Variants in SYT16 observed in about 807,000 individuals in gnomAD.
The protein encoded by SYT16 is synaptotagmin 16, also known as synaptotagmin-16.
Under a neutral mutation model 61.4 loss-of-function variants are expected in SYT16, and 42 were observed. That is an observed-to-expected ratio of 0.68 (90% CI 0.53 to 0.89). The LOEUF is 0.89. SYT16 is among the 40% of genes least tolerant of loss of function. The pLI is 0.00. For synonymous variants in SYT16, 314 were observed against 302.3 expected (o/e 1.04, Z -0.40); for missense variants, 804 against 807.3 (o/e 1.00, Z 0.05).
chr14:61,909,503 A>C (rs528288279), intron 1 of SYT16, among the ~76,000 whole-genome samples: 14 of 152,182 alleles, frequency 9.2e-5, no homozygotes, highest in African/African-American at 3.1e-4. Context: ...CCATCTTCAC[A>C]TGGTGTTCCT....
chr14:61,987,062 G>C (rs919714493), intron 2 of SYT16, among the ~76,000 whole-genome samples: 1 of 152,136 alleles, frequency 6.6e-6, no homozygotes, highest in Non-Finnish European at 1.5e-5. Context: ...TAAGAAATAA[G>C]GGGTGTTATG....
rs921388990 is a variant in SYT16, at chr14:62,107,705, G to A, written c.*6998G>A. The A allele has an allele frequency of 1.3e-5, 2 of 152,070 alleles. No individual in the cohort carries two copies. Among genetic ancestry groups the A allele is most frequent in the Non-Finnish European group, 2.9e-5 (2 of 68,016 alleles). 9.4% of individuals were successfully genotyped at this position (152,070 alleles called of 1,614,324 possible). A position where few individuals can be genotyped will look rare whatever the true frequency, so the allele number is the denominator to read the frequency against. Reference sequence around the variant, plus strand: ...TAGGGAAGGTGAAAGTTATTACCCTGTATCTAATTAAGAAATAGGTACACT... The same window carrying A: ...TAGGGAAGGTGAAAGTTATTACCCTATATCTAATTAAGAAATAGGTACACT... On this transcript the variant is annotated 3_prime_UTR_variant, in exon 8 of 8. Coordinates refer to ENST00000683842, the MANE Select transcript of SYT16 (RefSeq NM_001367656.1).
At position 62,069,778 on chromosome 14, in the gene SYT16, A is replaced by G. The variant is rs2140941885; in HGVS notation, c.699A>G (p.Thr233=). 6.2e-7 allele frequency: 1 copy of G among 1,614,044 alleles called. No homozygotes were observed. Among genetic ancestry groups the G allele is most frequent in the African/African-American group, 1.3e-5 (1 of 75,060 alleles). ...QKPKFSRSLL[T]HGEDGTEVSA... is the part of the protein sequence containing the mutation. ...CAAAATTCAGCCGTTCGTTGTTGACACACGGAGAAGATGGCACAGAAGTAT... is the reference window on the plus strand; with the variant it reads ...CAAAATTCAGCCGTTCGTTGTTGACGCACGGAGAAGATGGCACAGAAGTAT... Residue 233 remains threonine (T), a synonymous_variant, in exon 4 of 8, where the codon ACA becomes ACG. Coordinates refer to ENST00000683842, the MANE Select transcript of SYT16 (RefSeq NM_001367656.1).
At chr14:61,999,884 C>A (rs1454027442) in intron 3 of SYT16, among the ~76,000 whole-genome samples, 1 of 151,546 alleles carries the variant, frequency 6.6e-6, no homozygotes, top group Non-Finnish European at 1.5e-5. Context: ...TTGTTGATTT[C>A]TAGTTTTATT....
intron 3 of SYT16, among the ~76,000 whole-genome samples, chr14:62,050,159 C>G (rs561654852): frequency 6.6e-6 from 1 of 152,158 alleles, no homozygotes; most frequent in Non-Finnish European, 1.5e-5. Flanking sequence ...TTCTTGGAGG[C>G]TTTGTTCGTT....
chr14:61,891,056 C>T (rs1028543212), intron 1 of SYT16, among the ~76,000 whole-genome samples: 1 of 152,174 alleles, frequency 6.6e-6, no homozygotes, highest in Non-Finnish European at 1.5e-5. Context: ...TGAGTGCTCC[C>T]TTGGCTTTTG....
At chr14:61,950,063 G>C (rs2050609100) in intron 1 of SYT16, among the ~76,000 whole-genome samples, 1 of 152,012 alleles carries the variant, frequency 6.6e-6, no homozygotes, top group Non-Finnish European at 1.5e-5. Flanking sequence ...ATGTTGTTTG[G>C]GCTGTTCTAA....
In SYT16 at chr14:62,100,233, C is replaced by A. The variant is rs185157928; in HGVS notation, c.1625-161C>A. Among the ~76,000 whole-genome samples, 184 of 152,238 alleles carry A rather than the reference C, an allele frequency of 1.2e-3. 1 individual carries two copies. Among genetic ancestry groups the A allele is most frequent in the African/African-American group, 4.1e-3 (169 of 41,522 alleles). On this transcript the variant is annotated intron_variant, in intron 7 of 7. Transcript: ENST00000683842. ...TAATTCCCTTCCTTAATAATTCATGCAAGATGTGTTGCCCAACAGCAAGAA... is the reference window on the plus strand; with the variant it reads ...TAATTCCCTTCCTTAATAATTCATGAAAGATGTGTTGCCCAACAGCAAGAA...
At chr14:62,004,256 G>A (rs765422173) in intron 3 of SYT16, among the ~76,000 whole-genome samples, 1 of 152,148 alleles carries the variant, frequency 6.6e-6, no homozygotes, top group Non-Finnish European at 1.5e-5. Context: ...GAGACAGAGA[G>A]AGAGAGCGCA....
chr14:61,855,992 A>G (rs1388781571), intron 1 of SYT16, among the ~76,000 whole-genome samples: 1 of 152,228 alleles, frequency 6.6e-6, no homozygotes, highest in African/African-American at 2.4e-5. Context: ...AATGTCTGCA[A>G]AGGGATATAA....
rs561515648 is a variant in SYT16 at position 61,872,621 on chromosome 14, A to C, written c.-325+59811A>C. Among the ~76,000 whole-genome samples, 7 of 152,306 alleles carry C rather than the reference A, an allele frequency of 4.6e-5. No individual in the cohort carries two copies. In the South Asian group the frequency reaches 1.4e-3, roughly 32 times the overall value. On this transcript the variant is annotated intron_variant, in intron 1 of 7. Transcript: ENST00000683842. Reference sequence around the variant, plus strand: ...TCCTGTTTCTTCTCAAGAGAAGACAATTTCTTGCTCATTATTTTCTGTGGT... The same window carrying C: ...TCCTGTTTCTTCTCAAGAGAAGACACTTTCTTGCTCATTATTTTCTGTGGT...
chr14:61,830,269 ATGATGAATAACTT>A (rs1479841673), intron 1 of SYT16, among the ~76,000 whole-genome samples: 4 of 152,208 alleles, frequency 2.6e-5, no homozygotes, highest in South Asian at 2.1e-4. Context: ...TGTTCTTGGT[ATGATGAATAACTT>A]TGATGAATAA....
intron 1 of SYT16, among the ~76,000 whole-genome samples, chr14:61,934,291 T>A (rs2049892316): frequency 6.6e-6 from 1 of 152,220 alleles, no homozygotes; most frequent in Admixed American, 6.5e-5. Flanking sequence ...TTTGTACCTA[T>A]ATGTAAATGG....
intron 1 of SYT16, among the ~76,000 whole-genome samples, chr14:61,911,843 A>G (rs975638395): frequency 3.3e-5 from 5 of 152,222 alleles, no homozygotes; most frequent in African/African-American, 1.2e-4. Context: ...TGCACCTCTC[A>G]GGTGAAAGGA....
chr14:62,086,695 A>G (rs2056899389), intron 7 of SYT16, among the ~76,000 whole-genome samples: 1 of 152,226 alleles, frequency 6.6e-6, no homozygotes, highest in African/African-American at 2.4e-5. Context: ...AAATTCCTGT[A>G]ACAAATATTT....
chr14:62,012,243 G>A (rs1029346479), intron 3 of SYT16, among the ~76,000 whole-genome samples: 1 of 152,138 alleles, frequency 6.6e-6, no homozygotes, highest in African/African-American at 2.4e-5. Flanking sequence ...CTGGAAGTTT[G>A]ACTGGGGAAA....
chr14:61,923,610 C>T (rs569535737), intron 1 of SYT16, among the ~76,000 whole-genome samples: 4 of 152,196 alleles, frequency 2.6e-5, no homozygotes, highest in East Asian at 1.9e-4. Flanking sequence ...TCCAAATAGG[C>T]GCCCTAGTAA....
chr14:61,989,946 G>C (rs967868622), intron 2 of SYT16, among the ~76,000 whole-genome samples: 1 of 152,172 alleles, frequency 6.6e-6, no homozygotes, highest in South Asian at 2.1e-4. Flanking sequence ...TGGCTGTACT[G>C]TATCCGTATT....
At chr14:61,867,549 C>G (rs763194358) in intron 1 of SYT16, among the ~76,000 whole-genome samples, 12 of 151,898 alleles carry the variant, frequency 7.9e-5, no homozygotes, top group Non-Finnish European at 1.2e-4. Context: ...ATGAGTCTAA[C>G]AAGATGCAAG....
Sources: allele counts gnomAD v4.1 joint callset (sites outside exome capture counted in the v4.1 genomes callset), GRCh38; gene constraint gnomAD v4.1.1; transcripts MANE v1.5; gene names NCBI Gene and HGNC (gene_info 2026-07-23, HGNC 2026-07-21).